Variants in OXR1 observed in about 807,000 individuals in gnomAD.
The protein encoded by OXR1 is oxidation resistance 1, also known as oxidation resistance protein 1.
In OXR1, 41 loss-of-function variants were observed where a neutral mutation model predicts 104.6. The observed-to-expected ratio is 0.39, with a 90% CI of 0.31 to 0.51. The LOEUF (loss-of-function observed/expected upper bound fraction) is 0.51. Among genes scored for constraint, OXR1 ranks in the 20% least tolerant of loss-of-function variants. The pLI, the probability that OXR1 is intolerant of heterozygous loss-of-function variation, is 0.77. For synonymous variants in OXR1, 348 were observed against 348.4 expected, an observed-to-expected ratio of 1.00 and a Z score of 0.01; for missense variants, 955 against 1,031.9, an observed-to-expected ratio of 0.93 and a Z score of 1.02.
chr8:106,621,451 T>TA (rs71562112), intron 3 of OXR1, among the ~76,000 whole-genome samples: 1 of 149,464 alleles, frequency 6.7e-6, no homozygotes, highest in East Asian at 2.0e-4. Context: ...ATGCTGTCTC[T>TA]AAAAAAAACA....
intron 2 of OXR1, among the ~76,000 whole-genome samples, chr8:106,409,057 A>G (rs1265523130): frequency 6.6e-6 from 1 of 152,056 alleles, no homozygotes; most frequent in Non-Finnish European, 1.5e-5. Flanking sequence ...GAGTTATAGA[A>G]TAGCTGCCTT....
In OXR1 at chr8:106,720,692, T is replaced by A. The variant is rs895817692; in HGVS notation, c.1956+6707T>A. The A allele has an allele frequency of 4.1e-6, 4 of 971,392 alleles. No individual in the cohort carries two copies. The African/African-American group carries it at 7.0e-5, about 17-fold the overall frequency. 60.2% of individuals were successfully genotyped at this position (971,392 alleles called of 1,614,324 possible). A position where few individuals can be genotyped will look rare whatever the true frequency, so the allele number is the denominator to read the frequency against. On this transcript the variant is annotated intron_variant, in intron 11 of 16. Coordinates refer to ENST00000517566, the MANE Select transcript of OXR1 (RefSeq NM_001198533.2). ...ACATACCACAGGACTTCCATCATGT[T>A]GTGTACTCAGAGATACTACAAGGAG...
At position 106,480,580 on chromosome 8, in the gene OXR1, A is replaced by G. The variant is rs575245846; in HGVS notation, c.24-38363A>G. Reference sequence around the variant, plus strand: ...TTGCTTCATTCTTTCGTGTGTTTCTATATGGTTTTATAAACTAGATAATGC... The same window carrying G: ...TTGCTTCATTCTTTCGTGTGTTTCTGTATGGTTTTATAAACTAGATAATGC... On this transcript the variant is annotated intron_variant, in intron 2 of 16. Transcript: ENST00000517566. Among the ~76,000 whole-genome samples, 11 of 151,968 alleles carry G rather than the reference A, an allele frequency of 7.2e-5. No homozygotes were observed. The East Asian group carries it at 1.4e-3, about 19-fold the overall frequency.
At chr8:106,618,219 G>A (rs1193662101) in intron 3 of OXR1, 9 of 1,497,128 alleles carry the variant, frequency 6.0e-6, no homozygotes, top group Non-Finnish European at 7.2e-6. Context: ...CTTTAAATAA[G>A]TTATTTTGGA....
intron 2 of OXR1, among the ~76,000 whole-genome samples, chr8:106,408,992 G>A (rs1818355283): frequency 6.6e-6 from 1 of 152,154 alleles, no homozygotes; most frequent in Non-Finnish European, 1.5e-5. Flanking sequence ...AAACAAGCCT[G>A]TTTAAGAAAA....
intron 11 of OXR1, among the ~76,000 whole-genome samples, chr8:106,736,754 T>C (rs1834412410): frequency 2.0e-5 from 3 of 152,104 alleles, no homozygotes; most frequent in African/African-American, 7.2e-5. Context: ...TTATAGAAGA[T>C]AGAAAGTTTT....
chr8:106,283,595 G>T (rs894090144), intron 1 of OXR1, among the ~76,000 whole-genome samples: 1 of 152,138 alleles, frequency 6.6e-6, no homozygotes, highest in African/African-American at 2.4e-5. Context: ...TCATTTGAGT[G>T]ACTTAAATAT....
intron 7 of OXR1, among the ~76,000 whole-genome samples, chr8:106,694,152 T>G (rs1313414417): frequency 6.6e-6 from 1 of 151,826 alleles, no homozygotes; most frequent in Non-Finnish European, 1.5e-5. Flanking sequence ...TTAGACCTGT[T>G]TTATGGTCTA....
chr8:106,658,249 C>A, intron 3 of OXR1: 1 of 1,227,666 alleles, frequency 8.1e-7, no homozygotes, highest in Non-Finnish European at 1.0e-6. Context: ...GGGGAGGCGG[C>A]GGTCGTGGCG....
At chr8:106,646,755 A>C (rs1263582315) in intron 3 of OXR1, among the ~76,000 whole-genome samples, 3 of 152,222 alleles carry the variant, frequency 2.0e-5, no homozygotes, top group Non-Finnish European at 4.4e-5. Context: ...ACCTCAAAGA[A>C]AGTGCAGGCA....
chr8:106,610,641 T>C (rs1204086638), intron 3 of OXR1, among the ~76,000 whole-genome samples: 1 of 152,188 alleles, frequency 6.6e-6, no homozygotes, highest in African/African-American at 2.4e-5. Context: ...CCTCTGCCCA[T>C]GCTAGTCTCT....
At chr8:106,687,507 G>C (rs750099321) in intron 6 of OXR1, among the ~76,000 whole-genome samples, 2 of 152,240 alleles carry the variant, frequency 1.3e-5, no homozygotes, top group East Asian at 3.9e-4. Context: ...GATCACTTGA[G>C]GTCAGGAGTT....
chr8:106,713,345 A>T (rs772324178), intron 10 of OXR1, among the ~76,000 whole-genome samples: 6 of 151,972 alleles, frequency 3.9e-5, no homozygotes, highest in Non-Finnish European at 8.8e-5. Flanking sequence ...AGATTAGATC[A>T]TCTGTCTCTC....
chr8:106,607,864 A>C (rs1820521474), intron 3 of OXR1, among the ~76,000 whole-genome samples: 1 of 151,408 alleles, frequency 6.6e-6, no homozygotes, highest in Non-Finnish European at 1.5e-5. Flanking sequence ...AACTTTATGT[A>C]ATTCAGCCAA....
chr8:106,316,443 C>T (rs1220695898), intron 1 of OXR1, among the ~76,000 whole-genome samples: 2 of 152,142 alleles, frequency 1.3e-5, no homozygotes, highest in Non-Finnish European at 2.9e-5. Flanking sequence ...TACCTCATTA[C>T]ATTTTGCATT....
At chr8:106,473,873 A>G (rs1044503866) in intron 2 of OXR1, among the ~76,000 whole-genome samples, 5 of 148,446 alleles carry the variant, frequency 3.4e-5, no homozygotes, top group African/African-American at 9.9e-5. Context: ...TGCCACCATT[A>G]TAAGTACTAT....
At chr8:106,563,141 C>A (rs185861927) in intron 3 of OXR1, among the ~76,000 whole-genome samples, 2 of 151,804 alleles carry the variant, frequency 1.3e-5, no homozygotes, top group African/African-American at 4.8e-5. Flanking sequence ...TAAATGTTAA[C>A]GGGCCAAATG....
intron 1 of OXR1, among the ~76,000 whole-genome samples, chr8:106,310,854 G>T (rs1413388115): frequency 6.6e-6 from 1 of 152,038 alleles, no homozygotes; most frequent in African/African-American, 2.4e-5. Flanking sequence ...AGGGATTTCT[G>T]TTTGTCCTCA....
intron 8 of OXR1, 41 bp downstream of exon 8, chr8:106,703,131 CT>C (rs1000993748): frequency 7.4e-7 from 1 of 1,347,940 alleles, no homozygotes; most frequent in African/African-American, 1.4e-5. Flanking sequence ...TTTATTGTAT[CT>C]AGATAGTTGA....
Sources: allele counts gnomAD v4.1 joint callset (sites outside exome capture counted in the v4.1 genomes callset), GRCh38; gene constraint gnomAD v4.1.1; transcripts MANE v1.5; gene names NCBI Gene and HGNC (gene_info 2026-07-23, HGNC 2026-07-21).